The following SH3KBP1 variants were observed in gnomAD, a reference collection of about 807,000 sequenced individuals.
SH3KBP1 encodes SH3 domain-containing kinase-binding protein 1.
SH3KBP1 carries 8 observed loss-of-function variants against 50.1 expected under a neutral mutation model. The observed-to-expected ratio is 0.16, with a 90% CI of 0.09 to 0.29. The LOEUF (loss-of-function observed/expected upper bound fraction) is 0.29, where lower values mean the gene tolerates loss of function less well. Among genes scored for constraint, SH3KBP1 ranks in the 10% least tolerant of loss-of-function variants. The pLI, the probability that SH3KBP1 is intolerant of heterozygous loss-of-function variation, is 1.00. For synonymous variants in SH3KBP1, 227 were observed against 218.6 expected (o/e 1.04, Z -0.34); for missense variants, 377 against 535.2 (o/e 0.70, Z 2.92).
intron 2 of SH3KBP1, among the ~76,000 whole-genome samples, chrX:19,804,882 A>AACCCCCCCCCCCCCCCCCCC (rs2066992308): frequency 5.8e-5 from 1 of 17,380 alleles, no homozygotes; most frequent in African/African-American, 2.6e-4. Flanking sequence ...CCCAAACCCT[A>AACCCCCCCCCCCCCCCCCCC]CCCCCCCCCC....
intron 8 of SH3KBP1, among the ~76,000 whole-genome samples, chrX:19,609,312 G>GTA (rs1250665704): frequency 9.0e-6 from 1 of 111,431 alleles, no homozygotes; most frequent in Non-Finnish European, 1.9e-5. Context: ...TTCCTGCCCA[G>GTA]TATATATATA....
At chrX:19,559,274 CAAAAAAAAAA>C (rs369794445) in intron 13 of SH3KBP1, among the ~76,000 whole-genome samples, 181 of 8,618 alleles carry the variant, frequency 0.021, 6 homozygotes, top group Non-Finnish European at 0.029. Flanking sequence ...TCTGTCTCAC[CAAAAAAAAAA>C]AAAAAAAAAA....
chrX:19,535,238 T>A lies in SH3KBP1; in HGVS notation c.*1179A>T, dbSNP rs1186140642. On this transcript the variant is annotated 3_prime_UTR_variant, in exon 18 of 18. Coordinates refer to ENST00000397821, the MANE Select transcript of SH3KBP1 (RefSeq NM_031892.3). ...GGGAAAGAAAAAGCAACTCCATAAA[T>A]GCAAGAAAGTTCCAGTGGCTACACT... is the stretch of plus-strand genomic sequence containing the variant. 3.8e-6 allele frequency: 1 copy of A among 263,879 alleles called. No individual in the cohort carries two copies. The highest frequency in any genetic ancestry group is 2.8e-5 in the African/African-American group (1 of 35,795). 21.7% of individuals were successfully genotyped at this position (263,879 alleles called of 1,213,427 possible). A position where few individuals can be genotyped will look rare whatever the true frequency, so the allele number is the denominator to read the frequency against.
chrX:19,725,128 G>T (rs2064180853), intron 3 of SH3KBP1, among the ~76,000 whole-genome samples: 1 of 110,480 alleles, frequency 9.1e-6, no homozygotes, highest in Admixed American at 9.6e-5. Context: ...GTCGATGGGA[G>T]GAAGTGAAGG....
At position 19,776,176 on chromosome X, in the gene SH3KBP1, C is replaced by T. The variant is rs1001765771; in HGVS notation, c.163-29735G>A. Among the ~76,000 whole-genome samples, 16 of 111,661 alleles carry T rather than the reference C, an allele frequency of 1.4e-4. 1 individual carries two copies. Among genetic ancestry groups the T allele is most frequent in the Non-Finnish European group, 3.0e-4 (16 of 53,191 alleles). On this transcript the variant is annotated intron_variant, in intron 2 of 17. Coordinates refer to ENST00000397821, the MANE Select transcript of SH3KBP1 (RefSeq NM_031892.3). The stretch of plus-strand genomic sequence containing the variant: ...CTCAAAATGCTCTAAAGTCAGAAGT[C>T]TCAAAATAACATGTCAATGTCCACG...
intron 9 of SH3KBP1, among the ~76,000 whole-genome samples, chrX:19,604,881 T>A (rs1303709611): frequency 8.9e-6 from 1 of 112,309 alleles, no homozygotes; most frequent in Non-Finnish European, 1.9e-5. Context: ...TAGGTATTAC[T>A]TTGTCTGACG....
chrX:19,610,600 C>G (rs888123603), intron 8 of SH3KBP1, among the ~76,000 whole-genome samples: 1 of 111,791 alleles, frequency 8.9e-6, no homozygotes, highest in African/African-American at 3.3e-5. Context: ...TCTGTAAGCA[C>G]CAAACCTTAA....
At chrX:19,719,613 T>C (rs954086200) in intron 3 of SH3KBP1, among the ~76,000 whole-genome samples, 2 of 110,726 alleles carry the variant, frequency 1.8e-5, no homozygotes, top group African/African-American at 6.6e-5. Flanking sequence ...CTCAACTATA[T>C]CTTATAAAAA....
chrX:19,554,234 T>TATA (rs1330596276), intron 13 of SH3KBP1, among the ~76,000 whole-genome samples: 1,964 of 64,591 alleles, frequency 0.03, 126 homozygotes, highest in African/African-American at 0.06. Context: ...CATATTAAAA[T>TATA]ATATTATATA....
chrX:19,785,591 G>A (rs2066321351), intron 2 of SH3KBP1, among the ~76,000 whole-genome samples: 1 of 111,592 alleles, frequency 9.0e-6, no homozygotes, highest in Admixed American at 9.5e-5. Flanking sequence ...ATAGTGTGCT[G>A]AGGCATTCTG....
chrX:19,872,320 G>A (rs1381875635), intron 1 of SH3KBP1, among the ~76,000 whole-genome samples: 1 of 106,240 alleles, frequency 9.4e-6, no homozygotes, highest in African/African-American at 3.4e-5. Context: ...AAGCGGGAGA[G>A]AAAACAAAGG....
chrX:19,803,338 C>T (rs189056545), intron 2 of SH3KBP1, among the ~76,000 whole-genome samples: 13 of 111,403 alleles, frequency 1.2e-4, no homozygotes, highest in African/African-American at 4.2e-4. Context: ...CCCAGCCTCC[C>T]AAGTGCCAAG....
chrX:19,575,610 C>G (rs1028031305), intron 12 of SH3KBP1, among the ~76,000 whole-genome samples: 4 of 111,380 alleles, frequency 3.6e-5, no homozygotes, highest in African/African-American at 1.3e-4. Flanking sequence ...GACACAGGAC[C>G]AGAAGCAAAC....
At chrX:19,554,055 AT>A (rs1569278126) in intron 13 of SH3KBP1, among the ~76,000 whole-genome samples, 20 of 64,462 alleles carry the variant, frequency 3.1e-4, no homozygotes, top group Non-Finnish European at 3.2e-4. Context: ...ATTAAAATAT[AT>A]TATATATATT....
At chrX:19,854,827 G>GATT (rs2068603103) in intron 1 of SH3KBP1, among the ~76,000 whole-genome samples, 1 of 110,864 alleles carries the variant, frequency 9.0e-6, no homozygotes, top group Admixed American at 9.6e-5. Flanking sequence ...CTTGGTCTGA[G>GATT]GTCACCTTCA....
chrX:19,836,029 AAG>A (rs2068048580), intron 2 of SH3KBP1, 94 bp downstream of exon 2: 2 of 816,723 alleles, frequency 2.4e-6, no homozygotes, highest in Non-Finnish European at 3.6e-6. Flanking sequence ...GCCATTCCCT[AAG>A]AGAGTTCATG....
intron 2 of SH3KBP1, among the ~76,000 whole-genome samples, chrX:19,809,530 A>G (rs765398247): frequency 2.7e-4 from 30 of 111,824 alleles, no homozygotes; most frequent in African/African-American, 9.7e-4. Flanking sequence ...TCAAAAAAAG[A>G]AAGAAAGAAA....
intron 3 of SH3KBP1, among the ~76,000 whole-genome samples, chrX:19,719,555 C>T (rs1461818501): frequency 1.8e-5 from 2 of 111,437 alleles, no homozygotes; most frequent in Non-Finnish European, 3.8e-5. Flanking sequence ...TTAGAAGCCA[C>T]ATCTGTAATT....
intron 11 of SH3KBP1, among the ~76,000 whole-genome samples, chrX:19,590,064 G>A (rs1214153235): frequency 9.0e-6 from 1 of 110,729 alleles, no homozygotes. Flanking sequence ...AGCTACAATC[G>A]CACCACTGCA....
Sources: gnomAD v4.1 joint callset for allele counts (sites outside exome capture counted in the v4.1 genomes callset) on GRCh38, gnomAD v4.1.1 for gene constraint, MANE v1.5 for transcripts, NCBI Gene and HGNC (gene_info 2026-07-23, HGNC 2026-07-21) for gene names.